The following GRM8 variants were observed in gnomAD, a reference collection of about 807,000 sequenced individuals.
GRM8 encodes metabotropic glutamate receptor 8.
A neutral mutation model predicts 87.2 loss-of-function variants in GRM8; 47 were observed. The observed-to-expected ratio is 0.54, with a 90% CI of 0.43 to 0.69. The LOEUF (loss-of-function observed/expected upper bound fraction) is 0.69. Among genes scored for constraint, GRM8 ranks in the 30% least tolerant of loss-of-function variants. The pLI is 0.00. For missense variants in GRM8, 1,019 were observed against 1,139.2 expected, an observed-to-expected ratio of 0.89 and a Z score of 1.52; for synonymous variants, 396 against 404.5, an observed-to-expected ratio of 0.98 and a Z score of 0.25.
intron 2 of GRM8, among the ~76,000 whole-genome samples, chr7:127,128,282 T>C (rs1278394453): frequency 6.6e-6 from 1 of 152,150 alleles, no homozygotes; most frequent in Non-Finnish European, 1.5e-5. Flanking sequence ...GAGATTCTAA[T>C]TCAGTTTGAG....
intron 2 of GRM8, among the ~76,000 whole-genome samples, chr7:127,145,283 A>G (rs1828494295): frequency 6.6e-6 from 1 of 152,136 alleles, no homozygotes; most frequent in African/African-American, 2.4e-5. Flanking sequence ...ACATAGTCAT[A>G]ATGTCATTCG....
In GRM8 at chr7:127,050,813, A is replaced by G. The variant is rs556827085; in HGVS notation, c.727+55683T>C. 7.6e-4 allele frequency among the ~76,000 whole-genome samples: 116 copies of G among 152,330 alleles called. 1 individual carries two copies. The Middle Eastern group carries it at 0.01, about 13-fold the overall frequency. On this transcript the variant is annotated intron_variant, in intron 3 of 10. Transcript: ENST00000339582. ...GTGGTAGACCTATTGATTACACCATAAAGATAAGAGGGAAAAGAAGGAATG... is the reference window on the plus strand; with the variant it reads ...GTGGTAGACCTATTGATTACACCATGAAGATAAGAGGGAAAAGAAGGAATG...
intron 8 of GRM8, among the ~76,000 whole-genome samples, chr7:126,563,094 C>T (rs1585062338): frequency 6.6e-6 from 1 of 152,134 alleles, no homozygotes; most frequent in Non-Finnish European, 1.5e-5. Context: ...ACGTAGTAAT[C>T]GCATGCCCCT....
At chr7:126,510,710 C>T (rs1394019630) in intron 9 of GRM8, among the ~76,000 whole-genome samples, 1 of 152,210 alleles carries the variant, frequency 6.6e-6, no homozygotes, top group Non-Finnish European at 1.5e-5. Context: ...GGCATTTAGG[C>T]ATCATCTGAA....
At chr7:126,666,584 C>G (rs888348264) in intron 7 of GRM8, among the ~76,000 whole-genome samples, 1 of 151,724 alleles carries the variant, frequency 6.6e-6, no homozygotes, top group Admixed American at 6.6e-5. Context: ...CATGTCACAC[C>G]CAAAATAACA....
chr7:126,631,168 A>G (rs1801214727), intron 7 of GRM8, among the ~76,000 whole-genome samples: 1 of 152,192 alleles, frequency 6.6e-6, no homozygotes, highest in Admixed American at 6.6e-5. Flanking sequence ...TCTTATGTTG[A>G]TAAACCACTA....
intron 2 of GRM8, among the ~76,000 whole-genome samples, chr7:127,218,117 G>T (rs923629869): frequency 6.6e-6 from 1 of 152,224 alleles, no homozygotes; most frequent in African/African-American, 2.4e-5. Flanking sequence ...CTCAAGGAGA[G>T]AACCACTACC....
chr7:127,121,180 A>T (rs1006015299), intron 2 of GRM8, among the ~76,000 whole-genome samples: 2 of 152,190 alleles, frequency 1.3e-5, no homozygotes, highest in East Asian at 3.9e-4. Context: ...GGATGAAAAG[A>T]TTTATTTTCC....
chr7:126,668,938 A>C (rs1806089312), intron 7 of GRM8, among the ~76,000 whole-genome samples: 1 of 152,160 alleles, frequency 6.6e-6, no homozygotes, highest in African/African-American at 2.4e-5. Context: ...GTGCTGCAAT[A>C]AAGATAAAGA....
At chr7:126,951,455 A>G (rs1808148457) in intron 3 of GRM8, among the ~76,000 whole-genome samples, 1 of 152,068 alleles carries the variant, frequency 6.6e-6, no homozygotes, top group African/African-American at 2.4e-5. Context: ...AAAACTAACA[A>G]TGATGAGGAT....
chr7:126,576,295 T>G (rs1395592396), intron 8 of GRM8, among the ~76,000 whole-genome samples: 2 of 152,128 alleles, frequency 1.3e-5, no homozygotes, highest in East Asian at 3.9e-4. Context: ...TTTTGTTTTG[T>G]TTTTTGAGGC....
chr7:126,664,525 A>C (rs1444192886), intron 7 of GRM8, among the ~76,000 whole-genome samples: 2 of 152,138 alleles, frequency 1.3e-5, no homozygotes, highest in African/African-American at 4.8e-5. Context: ...AATGGAAAAA[A>C]GGCTCCCTGT....
intron 6 of GRM8, among the ~76,000 whole-genome samples, chr7:126,789,451 G>A (rs963069522): frequency 3.9e-5 from 6 of 152,068 alleles, no homozygotes; most frequent in South Asian, 2.1e-4. Context: ...CCCGACAGAC[G>A]ACAGGGACTC....
chr7:126,945,970 C>T (rs995317096), intron 3 of GRM8, among the ~76,000 whole-genome samples: 2 of 152,210 alleles, frequency 1.3e-5, no homozygotes, highest in African/African-American at 4.8e-5. Context: ...TTTATGAACA[C>T]ATATTCATGT....
chr7:126,680,992 C>A (rs1003758239), intron 7 of GRM8, among the ~76,000 whole-genome samples: 25 of 152,082 alleles, frequency 1.6e-4, no homozygotes, highest in Non-Finnish European at 3.2e-4. Context: ...ACAAGAAAAA[C>A]CAAAATACAT....
intron 6 of GRM8, among the ~76,000 whole-genome samples, chr7:126,788,224 A>G (rs2151662098): frequency 6.6e-6 from 1 of 151,988 alleles, no homozygotes; most frequent in Middle Eastern, 3.4e-3. Context: ...AGTCTAGCCA[A>G]CATGTCAAAA....
chr7:127,091,743 C>T (rs1195284377), intron 3 of GRM8, among the ~76,000 whole-genome samples: 4 of 140,272 alleles, frequency 2.9e-5, no homozygotes, highest in African/African-American at 1.1e-4. Context: ...TCCCACTGGT[C>T]ATCCCTCCCG....
At chr7:126,759,235 T>G (rs1217072206) in intron 7 of GRM8, among the ~76,000 whole-genome samples, 1 of 152,048 alleles carries the variant, frequency 6.6e-6, no homozygotes, top group Non-Finnish European at 1.5e-5. Flanking sequence ...TGTTTAAACC[T>G]TAATGTAATT....
intron 7 of GRM8, among the ~76,000 whole-genome samples, chr7:126,632,243 A>G (rs980959773): frequency 2.6e-5 from 4 of 152,248 alleles, no homozygotes; most frequent in African/African-American, 7.2e-5. Context: ...ATACTTCTAA[A>G]GAAAAGACCT....
Sources: gnomAD v4.1 joint callset for allele counts (sites outside exome capture counted in the v4.1 genomes callset) on GRCh38, gnomAD v4.1.1 for gene constraint, MANE v1.5 for transcripts, NCBI Gene and HGNC (gene_info 2026-07-23, HGNC 2026-07-21) for gene names.